SEMA3D: variants seen among roughly 807,000 people sequenced by gnomAD.
The protein encoded by SEMA3D is semaphorin 3D.
SEMA3D carries 84 observed loss-of-function variants against 100.1 expected under a neutral mutation model. The ratio of observed to expected loss-of-function variants is 0.84; its 90% CI spans 0.70 to 1.01. The LOEUF is 1.01. Among genes scored for constraint, SEMA3D ranks in the 50% least tolerant of loss-of-function variants. The pLI is 0.00. For missense variants in SEMA3D, 875 were observed against 934.1 expected, an observed-to-expected ratio of 0.94 and a Z score of 0.82; for synonymous variants, 312 against 320.7, an observed-to-expected ratio of 0.97 and a Z score of 0.29.
At chr7:85,071,794 G>A (rs1362812413) in intron 6 of SEMA3D, among the ~76,000 whole-genome samples, 3 of 152,182 alleles carry the variant, frequency 2.0e-5, no homozygotes, top group Non-Finnish European at 2.9e-5. Flanking sequence ...ATAGGGTAAT[G>A]TAATCTCATG....
intron 15 of SEMA3D, among the ~76,000 whole-genome samples, chr7:85,015,532 T>G (rs147234784): frequency 4.5e-4 from 69 of 151,934 alleles, no homozygotes; most frequent in Non-Finnish European, 8.8e-4. Context: ...AAATGTACTT[T>G]GAGAGATTAT....
chr7:85,132,839 T>C (rs1174071771), intron 2 of SEMA3D, among the ~76,000 whole-genome samples: 1 of 151,946 alleles, frequency 6.6e-6, no homozygotes, highest in Non-Finnish European at 1.5e-5. Context: ...GGACATGCAA[T>C]ATAGAAGCAT....
At chr7:85,084,816 C>T (rs1788171238) in intron 4 of SEMA3D, among the ~76,000 whole-genome samples, 1 of 152,132 alleles carries the variant, frequency 6.6e-6, no homozygotes, top group Non-Finnish European at 1.5e-5. Flanking sequence ...TCTATATATC[C>T]ATGTATTCTC....
Position 84,999,512 on chromosome 7 carries a change from C to T in SEMA3D, c.2262G>A (p.Gln754=). The part of the protein sequence containing the change: ...NKGGPKWKHM[Q]EMKKKRNRRH... ...TTCGATTTCGTTTCTTCTTCATTTC[C>T]TGCATGTGCTTCCACTTTGGGCCCC... Residue 754 remains glutamine, a synonymous_variant, in exon 19 of 19, where the codon CAG becomes CAA. Transcript: ENST00000284136. The T allele has an allele frequency of 6.2e-7, 1 of 1,614,048 alleles. No homozygotes were observed. Among genetic ancestry groups the T allele is most frequent in the Non-Finnish European group, 8.5e-7 (1 of 1,180,010 alleles).
intron 17 of SEMA3D, among the ~76,000 whole-genome samples, chr7:85,007,148 A>C (rs1789820563): frequency 1.3e-5 from 2 of 152,008 alleles, no homozygotes; most frequent in Non-Finnish European, 2.9e-5. Context: ...TGTAATTTTT[A>C]TTCTTTCATC....
intron 2 of SEMA3D, among the ~76,000 whole-genome samples, chr7:85,143,563 C>G (rs1451042946): frequency 6.6e-6 from 1 of 151,934 alleles, no homozygotes; most frequent in Non-Finnish European, 1.5e-5. Context: ...AGAGATACAA[C>G]AAAAATAAAA....
Position 85,183,948 on chromosome 7 carries a change from A to C in SEMA3D, c.-173+2730T>G, listed in dbSNP as rs1791468938. ...ACTAATCTCAGGAAATGTTCTTAAT[A>C]CAACCATGGGATTTCTGTTTGATAA... On this transcript the variant is annotated intron_variant, in intron 1 of 18. Transcript: ENST00000284136. 2.0e-5 allele frequency among the ~76,000 whole-genome samples: 3 copies of C among 152,324 alleles called. No individual in the cohort carries two copies. The South Asian group carries it at 6.2e-4, about 32-fold the overall frequency.
At chr7:85,140,362 C>A (rs563257077) in intron 2 of SEMA3D, 26 of 976,120 alleles carry the variant, frequency 2.7e-5, no homozygotes, top group Non-Finnish European at 3.2e-5. Flanking sequence ...GGTTTACATC[C>A]AGCCAGTAGA....
At chr7:85,070,941 C>T (rs776968417) in intron 6 of SEMA3D, among the ~76,000 whole-genome samples, 4 of 152,126 alleles carry the variant, frequency 2.6e-5, no homozygotes, top group South Asian at 2.1e-4. Context: ...CCACCACGCT[C>T]GGCTACATTT....
chr7:85,147,483 C>A (rs1790250344), intron 2 of SEMA3D, among the ~76,000 whole-genome samples: 1 of 152,062 alleles, frequency 6.6e-6, no homozygotes, highest in African/African-American at 2.4e-5. Flanking sequence ...CTGTTTCTAA[C>A]TATCTGTAAA....
At chr7:85,172,000 A>G (rs1791096761) in intron 1 of SEMA3D, among the ~76,000 whole-genome samples, 1 of 151,476 alleles carries the variant, frequency 6.6e-6, no homozygotes. Context: ...TTTATAATAT[A>G]TATAGAGAGA....
the SEMA3D span, among the ~76,000 whole-genome samples, chr7:85,194,376 C>T: frequency 6.6e-6 from 1 of 152,072 alleles, no homozygotes; most frequent in Non-Finnish European, 1.5e-5. Context: ...AGGAAGTTTG[C>T]TCTATTCTCG....
chr7:85,029,445 C>T, intron 12 of SEMA3D: 1 of 752,144 alleles, frequency 1.3e-6, no homozygotes, highest in South Asian at 1.4e-5. Flanking sequence ...TCAAGATTAA[C>T]AATGAGCACA....
chr7:84,997,028 T>A lies in SEMA3D; in HGVS notation c.*2412A>T, dbSNP rs1225191274. 2 of 151,696 alleles carry A rather than the reference T, an allele frequency of 1.3e-5. No homozygotes were observed. Among genetic ancestry groups the A allele is most frequent in the Non-Finnish European group, 1.5e-5 (1 of 67,818 alleles). The allele number at this position is 151,696 out of a possible 1,614,324, so 9.4% of individuals were successfully genotyped here. ...GTTTTTTATTGTGTGAAATTTTATT[T>A]TACTAATAATATTTTTAATATATTT... is the stretch of plus-strand genomic sequence containing the variant. On this transcript the variant is annotated 3_prime_UTR_variant, in exon 19 of 19. Coordinates refer to ENST00000284136, the MANE Select transcript of SEMA3D (RefSeq NM_001384900.1).
intron 1 of SEMA3D, among the ~76,000 whole-genome samples, chr7:85,164,123 C>A (rs1216695817): frequency 3.3e-5 from 5 of 152,044 alleles, no homozygotes; most frequent in Non-Finnish European, 5.9e-5. Flanking sequence ...TCAGGTCTTA[C>A]AGTCAGTCAG....
At chr7:85,161,926 ACT>A (rs900904156) in intron 1 of SEMA3D, among the ~76,000 whole-genome samples, 2 of 151,772 alleles carry the variant, frequency 1.3e-5, no homozygotes, top group East Asian at 2.0e-4. Context: ...ACAATAGAAA[ACT>A]CTGAAGAAAT....
At chr7:85,182,374 A>T (rs1427011966) in intron 1 of SEMA3D, among the ~76,000 whole-genome samples, 1 of 152,188 alleles carries the variant, frequency 6.6e-6, no homozygotes, top group Non-Finnish European at 1.5e-5. Flanking sequence ...AGTAAATTAT[A>T]AACTCCAAAA....
chr7:85,220,330 C>CTTTT, the SEMA3D span, among the ~76,000 whole-genome samples: 32 of 134,916 alleles, frequency 2.4e-4, no homozygotes, highest in Non-Finnish European at 3.4e-4. Flanking sequence ...TTTCAGGTTC[C>CTTTT]TTTTTTTTTT....
At position 85,037,051 on chromosome 7, in the gene SEMA3D, C is replaced by T. The variant is rs768829197; in HGVS notation, c.1047-18G>A. The T allele has an allele frequency of 6.2e-6, 10 of 1,608,128 alleles. No homozygotes were observed. In the South Asian group the frequency reaches 9.9e-5, roughly 16 times the overall value. On this transcript the variant is annotated intron_variant, in intron 11 of 18. Coordinates refer to ENST00000284136, the MANE Select transcript of SEMA3D (RefSeq NM_001384900.1). ...AGATGGAGCTGGAAAAAAAAAGCAT[C>T]ATCATTCAATCATTCACTGATGAAT...
Sources: gnomAD v4.1 joint callset for allele counts (sites outside exome capture counted in the v4.1 genomes callset) on GRCh38, gnomAD v4.1.1 for gene constraint, MANE v1.5 for transcripts, NCBI Gene and HGNC (gene_info 2026-07-23, HGNC 2026-07-21) for gene names.